Variants in MAGI2 observed in about 807,000 individuals in gnomAD.
MAGI2 encodes the protein membrane associated guanylate kinase, WW and PDZ domain containing 2.
In MAGI2, 35 loss-of-function variants were observed where a neutral mutation model predicts 133.3. The observed-to-expected ratio is 0.26, with a 90% confidence interval of 0.20 to 0.35. The LOEUF (loss-of-function observed/expected upper bound fraction) is 0.35. MAGI2 is among the 10% of genes least tolerant of loss of function. The probability of loss-of-function intolerance (pLI) is 1.00; values close to 1 mark genes in which losing one functional copy is unlikely to be tolerated. For missense variants in MAGI2, 1,636 were observed against 1,863.4 expected (o/e 0.88, Z 2.25); for synonymous variants, 729 against 710.6 (o/e 1.03, Z -0.41).
chr7:78,357,086 A>C (rs1792163683), intron 7 of MAGI2, among the ~76,000 whole-genome samples: 1 of 152,190 alleles, frequency 6.6e-6, no homozygotes, highest in Admixed American at 6.5e-5. Flanking sequence ...GCACTGTATA[A>C]ATTTGATTTT....
chr7:79,212,169 C>T (rs935415234), intron 1 of MAGI2, among the ~76,000 whole-genome samples: 3 of 151,988 alleles, frequency 2.0e-5, no homozygotes, highest in Non-Finnish European at 4.4e-5. Flanking sequence ...TAGCTTGGAG[C>T]GCTCTTTACA....
At chr7:79,379,047 G>T (rs1007769956) in intron 1 of MAGI2, among the ~76,000 whole-genome samples, 1 of 149,450 alleles carries the variant, frequency 6.7e-6, no homozygotes. Flanking sequence ...TGCCATGTTG[G>T]TGTGCTGCAC....
At chr7:79,327,962 C>A (rs1303856674) in intron 1 of MAGI2, among the ~76,000 whole-genome samples, 2 of 152,112 alleles carry the variant, frequency 1.3e-5, no homozygotes, top group East Asian at 3.9e-4. Flanking sequence ...ATTATGATTT[C>A]AATAATTAAA....
At chr7:78,936,180 A>G (rs549060359) in intron 2 of MAGI2, among the ~76,000 whole-genome samples, 2 of 152,176 alleles carry the variant, frequency 1.3e-5, no homozygotes, top group South Asian at 4.1e-4. Context: ...AGCAAATCTA[A>G]AGTAAATAGG....
intron 1 of MAGI2, among the ~76,000 whole-genome samples, chr7:79,140,310 T>C (rs1821998658): frequency 6.6e-6 from 1 of 152,232 alleles, no homozygotes; most frequent in South Asian, 2.1e-4. Context: ...GCAAGTAATT[T>C]AATCTCTGCA....
chr7:79,365,957 A>G (rs1842680777), intron 1 of MAGI2, among the ~76,000 whole-genome samples: 1 of 151,896 alleles, frequency 6.6e-6, no homozygotes, highest in African/African-American at 2.4e-5. Flanking sequence ...GTGAAAAAAA[A>G]AAAAAGTTGG....
chr7:78,285,736 A>C (rs1161861660), intron 9 of MAGI2: 1 of 152,132 alleles, frequency 6.6e-6, no homozygotes, highest in Non-Finnish European at 1.5e-5. Context: ...GCGTTTTCTG[A>C]TCAGGACATC....
chr7:78,253,648 A>G (rs985880544), intron 10 of MAGI2: 2 of 152,220 alleles, frequency 1.3e-5, no homozygotes, highest in African/African-American at 4.8e-5. Flanking sequence ...CATACAAACA[A>G]TATATTTGCT....
At chr7:78,693,213 G>A (rs945564798) in intron 2 of MAGI2, among the ~76,000 whole-genome samples, 4 of 152,116 alleles carry the variant, frequency 2.6e-5, no homozygotes, top group African/African-American at 9.7e-5. Context: ...GAAAAGGATG[G>A]AGAAAAATGC....
At chr7:78,828,174 C>T (rs541001775) in intron 2 of MAGI2, among the ~76,000 whole-genome samples, 2 of 151,736 alleles carry the variant, frequency 1.3e-5, no homozygotes, top group East Asian at 1.9e-4. Flanking sequence ...CATAAGCCAT[C>T]GTGCCCAGCC....
At chr7:78,248,851 A>C (rs895656907) in intron 10 of MAGI2, among the ~76,000 whole-genome samples, 2 of 152,172 alleles carry the variant, frequency 1.3e-5, no homozygotes, top group Non-Finnish European at 2.9e-5. Context: ...CAGGCAATAA[A>C]AAAGCAGACA....
At chr7:78,756,239 T>C (rs1823932359) in intron 2 of MAGI2, among the ~76,000 whole-genome samples, 1 of 152,176 alleles carries the variant, frequency 6.6e-6, no homozygotes, top group Non-Finnish European at 1.5e-5. Flanking sequence ...CAAGTGGGGA[T>C]CCAAGTCTGG....
At chr7:78,081,751 G>A (rs7787794) in intron 20 of MAGI2, among the ~76,000 whole-genome samples, 34,900 of 152,086 alleles carry the variant, frequency 0.23, 4,394 homozygotes, top group East Asian at 0.51. Context: ...TAACCTGACC[G>A]GGGAAGCTGA....
chr7:78,057,308 T>A (rs937196679), intron 21 of MAGI2, among the ~76,000 whole-genome samples: 1 of 152,136 alleles, frequency 6.6e-6, no homozygotes, highest in African/African-American at 2.4e-5. Flanking sequence ...AATAGTGCGA[T>A]CTCCACTCGC....
chr7:78,539,095 A>C (rs1798201183), intron 3 of MAGI2, among the ~76,000 whole-genome samples: 1 of 152,216 alleles, frequency 6.6e-6, no homozygotes, highest in Admixed American at 6.5e-5. Flanking sequence ...GTCATGTTCC[A>C]GTTCTCAGGG....
intron 2 of MAGI2, among the ~76,000 whole-genome samples, chr7:79,003,549 T>C (rs949536717): frequency 4.6e-5 from 7 of 152,180 alleles, no homozygotes; most frequent in Non-Finnish European, 8.8e-5. Flanking sequence ...GCTGGGTTCA[T>C]GAAAACCAAT....
chr7:78,653,045 C>A (rs765109705), intron 2 of MAGI2, among the ~76,000 whole-genome samples: 5 of 152,110 alleles, frequency 3.3e-5, no homozygotes, highest in African/African-American at 9.7e-5. Flanking sequence ...AGCTCATCAT[C>A]ACTGGTCATC....
intron 2 of MAGI2, among the ~76,000 whole-genome samples, chr7:78,787,513 A>G (rs576635764): frequency 6.6e-6 from 1 of 152,298 alleles, no homozygotes; most frequent in African/African-American, 2.4e-5. Context: ...CTATTTCAGG[A>G]TTCTTGTAAA....
intron 3 of MAGI2, among the ~76,000 whole-genome samples, chr7:78,601,598 A>G (rs1401336239): frequency 6.6e-6 from 1 of 152,128 alleles, no homozygotes; most frequent in African/African-American, 2.4e-5. Context: ...TTTATAAGGT[A>G]CTCAAATTTT....
Sources: allele counts gnomAD v4.1 joint callset (sites outside exome capture counted in the v4.1 genomes callset), GRCh38; gene constraint gnomAD v4.1.1; transcripts MANE v1.5; gene names NCBI Gene and HGNC (gene_info 2026-07-23, HGNC 2026-07-21).